The following ANKRD12 variants were observed in gnomAD, a reference collection of about 807,000 sequenced individuals.
ANKRD12 encodes ankyrin repeat domain 12.
Under a neutral mutation model 183.4 loss-of-function variants are expected in ANKRD12, and 85 were observed. The observed-to-expected ratio is 0.46, with a 90% confidence interval of 0.39 to 0.56. The LOEUF is 0.56. ANKRD12 is among the 20% of genes least tolerant of loss of function. ANKRD12 has a pLI of 0.00. For missense variants in ANKRD12, 2,405 were observed against 2,357.1 expected, an observed-to-expected ratio of 1.02 and a Z score of -0.42; for synonymous variants, 914 against 800.2, an observed-to-expected ratio of 1.14 and a Z score of -2.40.
chr18:9,189,576 G>C (rs532958502), intron 2 of ANKRD12, among the ~76,000 whole-genome samples: 2 of 152,330 alleles, frequency 1.3e-5, no homozygotes, highest in East Asian at 3.9e-4. Flanking sequence ...TCACTGTCTT[G>C]TTAGGGACAA....
intron 8 of ANKRD12, among the ~76,000 whole-genome samples, chr18:9,250,424 AAG>A (rs2038221560): frequency 1.3e-5 from 2 of 152,130 alleles, no homozygotes; most frequent in Admixed American, 6.5e-5. Context: ...AAACGGATTT[AAG>A]AGAGAGTCCA....
At chr18:9,187,216 A>G (rs888319739) in intron 2 of ANKRD12, among the ~76,000 whole-genome samples, 39 of 152,034 alleles carry the variant, frequency 2.6e-4, no homozygotes, top group Non-Finnish European at 5.4e-4. Context: ...GCTTGAGGCC[A>G]GGAGTTCAAG....
intron 8 of ANKRD12, among the ~76,000 whole-genome samples, chr18:9,230,481 A>C (rs1424948476): frequency 6.6e-6 from 1 of 150,962 alleles, no homozygotes; most frequent in Non-Finnish European, 1.5e-5. Context: ...GATCTTTATT[A>C]TTTCTTCTGC....
chr18:9,274,347 A>G (rs1001785700), intron 10 of ANKRD12, among the ~76,000 whole-genome samples: 1 of 152,262 alleles, frequency 6.6e-6, no homozygotes, highest in Non-Finnish European at 1.5e-5. Flanking sequence ...AGTAGAACAT[A>G]CTTTTCAGCC....
At chr18:9,193,857 T>G (rs937454175) in intron 2 of ANKRD12, among the ~76,000 whole-genome samples, 4 of 152,238 alleles carry the variant, frequency 2.6e-5, no homozygotes, top group African/African-American at 9.6e-5. Context: ...GAAGCACATT[T>G]CTCACAAAGG....
chr18:9,141,175 G>A (rs980631574), intron 1 of ANKRD12, among the ~76,000 whole-genome samples: 2 of 151,392 alleles, frequency 1.3e-5, no homozygotes, highest in Non-Finnish European at 2.9e-5. Context: ...TAGAACATAG[G>A]CCAGCAACCC....
Position 9,284,400 on chromosome 18 carries a change from T to C in ANKRD12, c.*3274T>C, listed in dbSNP as rs988315086. The stretch of plus-strand genomic sequence containing the variant: ...ATACATAGTTTTCCAAAAAGAAAAT[T>C]ATTGTCTCTGATATCTTAAAACATA... On this transcript the variant is annotated 3_prime_UTR_variant, in exon 13 of 13. Transcript: ENST00000262126. 6.6e-6 allele frequency: 1 copy of C among 151,196 alleles called. No homozygotes were observed. The highest frequency in any genetic ancestry group is 2.4e-5 in the African/African-American group (1 of 41,278). 9.4% of individuals were successfully genotyped at this position (151,196 alleles called of 1,614,324 possible). A position where few individuals can be genotyped will look rare whatever the true frequency, so the allele number is the denominator to read the frequency against.
chr18:9,237,651 A>T (rs1318101476), intron 8 of ANKRD12, among the ~76,000 whole-genome samples: 2 of 152,230 alleles, frequency 1.3e-5, no homozygotes, highest in Admixed American at 6.5e-5. Context: ...AAGAATAGTT[A>T]TATCTCATTT....
At chr18:9,176,741 T>C (rs1211904675) in intron 1 of ANKRD12, among the ~76,000 whole-genome samples, 1 of 152,208 alleles carries the variant, frequency 6.6e-6, no homozygotes, top group African/African-American at 2.4e-5. Flanking sequence ...ATGTTTTGCC[T>C]TCATTATAAA....
At chr18:9,189,970 G>A (rs188050951) in intron 2 of ANKRD12, among the ~76,000 whole-genome samples, 1 of 152,310 alleles carries the variant, frequency 6.6e-6, no homozygotes, top group Admixed American at 6.5e-5. Context: ...AGTATGCTTT[G>A]TAAGGCTGTA....
chr18:9,211,480 A>G, intron 5 of ANKRD12, 104 bp from the exon 6 acceptor site: 1 of 1,033,930 alleles, frequency 9.7e-7, no homozygotes, highest in Non-Finnish European at 1.4e-6. Context: ...GTGAGAAGGC[A>G]TTCCTTGTGT....
At chr18:9,266,946 A>T (rs997763577) in intron 10 of ANKRD12, among the ~76,000 whole-genome samples, 10 of 152,358 alleles carry the variant, frequency 6.6e-5, no homozygotes, top group African/African-American at 2.4e-4. Flanking sequence ...TGGAAAACAA[A>T]AAAAGGCAGG....
chr18:9,228,345 T>G (rs894813328), intron 8 of ANKRD12, among the ~76,000 whole-genome samples: 2 of 152,180 alleles, frequency 1.3e-5, no homozygotes, highest in African/African-American at 4.8e-5. Context: ...GGATACTTGG[T>G]AGTGGGATTG....
intron 2 of ANKRD12, among the ~76,000 whole-genome samples, chr18:9,185,454 G>A (rs570188985): frequency 1.3e-5 from 2 of 152,256 alleles, no homozygotes; most frequent in African/African-American, 4.8e-5. Context: ...TTAATGATTG[G>A]GCCATTTCCT....
At chr18:9,190,164 A>G (rs886256147) in intron 2 of ANKRD12, among the ~76,000 whole-genome samples, 2 of 152,228 alleles carry the variant, frequency 1.3e-5, no homozygotes, top group African/African-American at 4.8e-5. Flanking sequence ...GAGAGGGTCA[A>G]GACTTTAGTG....
intron 10 of ANKRD12, among the ~76,000 whole-genome samples, chr18:9,273,874 G>A (rs1298395899): frequency 1.3e-5 from 2 of 152,148 alleles, no homozygotes; most frequent in Non-Finnish European, 2.9e-5. Context: ...TACTTCATCT[G>A]ACATAGATTA....
chr18:9,256,933 C>T lies in ANKRD12; in HGVS notation c.3666C>T (p.Thr1222=), dbSNP rs539467270. The T allele has an allele frequency of 3.1e-6, 5 of 1,614,046 alleles. No individual in the cohort carries two copies. The South Asian group carries it at 4.4e-5, about 14-fold the overall frequency. The change falls in exon 9 of 13, where the codon ACC becomes ACT. Residue 1222 remains threonine (T), a synonymous_variant. Coordinates refer to ENST00000262126, the MANE Select transcript of ANKRD12 (RefSeq NM_015208.5). The stretch of plus-strand genomic sequence containing the variant: ...ATTCCTGCCATACTACAGTGACAAC[C>T]CCAAGGCCTCCAGTTGAGTATGACT... ...SEDSCHTTVT[T]PRPPVEYDSD...
intron 1 of ANKRD12, among the ~76,000 whole-genome samples, chr18:9,149,392 G>T (rs2078602980): frequency 1.3e-5 from 2 of 152,252 alleles, no homozygotes; most frequent in Middle Eastern, 3.4e-3. Flanking sequence ...AGGAGAATTA[G>T]TTCATTTAGA....
chr18:9,274,877 A>G (rs1484712853), intron 10 of ANKRD12, among the ~76,000 whole-genome samples: 2 of 152,126 alleles, frequency 1.3e-5, no homozygotes, highest in Non-Finnish European at 2.9e-5. Flanking sequence ...GTTTTTGAAT[A>G]AGATAAAATG....
Sources: allele counts gnomAD v4.1 joint callset (sites outside exome capture counted in the v4.1 genomes callset), GRCh38; gene constraint gnomAD v4.1.1; transcripts MANE v1.5; gene names NCBI Gene and HGNC (gene_info 2026-07-23, HGNC 2026-07-21).